DCDC2C: variants seen among roughly 807,000 people sequenced by gnomAD.
DCDC2C encodes the protein doublecortin domain-containing protein 2C.
In DCDC2C, 44 loss-of-function variants were observed where a neutral mutation model predicts 45.0. The observed-to-expected ratio is 0.98, with a 90% confidence interval of 0.77 to 1.26. The LOEUF is 1.26. Among genes scored for constraint, DCDC2C ranks in the 50% most tolerant of loss-of-function variants. The pLI is 0.00. For synonymous variants in DCDC2C, 187 were observed against 178.8 expected (o/e 1.05, Z -0.37); for missense variants, 447 against 468.9 (o/e 0.95, Z 0.43).
Position 3,767,847 on chromosome 2 carries a change from A to T in DCDC2C, c.820A>T (p.Thr274Ser), listed in dbSNP as rs1280761843. Residue 274 changes from threonine to serine, a missense_variant, in exon 7 of 11, where the codon ACA becomes TCA. By Grantham distance (58) the Thr-to-Ser change is moderately conservative. Coordinates refer to ENST00000399143, the MANE Select transcript of DCDC2C (RefSeq NM_001287444.2). ...VYYAKEEKKK[T>S]LAEPLVQRGA... ...TTATGCCAAAGAAGAAAAGAAGAAA[A>T]CATTGGCAGAACCTTTAGTCCAAAG... The T allele has an allele frequency of 3.2e-6, 5 of 1,542,806 alleles. No homozygotes were observed. Among genetic ancestry groups the T allele is most frequent in the African/African-American group, 1.4e-5 (1 of 72,294 alleles).
chr2:3,811,165 T>C (rs1671382603), intron 10 of DCDC2C, among the ~76,000 whole-genome samples: 1 of 152,226 alleles, frequency 6.6e-6, no homozygotes, highest in Non-Finnish European at 1.5e-5. Flanking sequence ...ATAAATTACT[T>C]TGGGCAGTAT....
At chr2:3,719,017 A>G (rs1434645737) in intron 2 of DCDC2C, among the ~76,000 whole-genome samples, 2 of 152,148 alleles carry the variant, frequency 1.3e-5, no homozygotes, top group Non-Finnish European at 2.9e-5. Flanking sequence ...CACTCGACCC[A>G]GGAAGTCCAG....
At chr2:3,845,175 A>G (rs1231944147) in intron 10 of DCDC2C, among the ~76,000 whole-genome samples, 1 of 152,236 alleles carries the variant, frequency 6.6e-6, no homozygotes, top group Admixed American at 6.5e-5. Context: ...TTTAGAGCTA[A>G]TAATAATAAC....
chr2:3,770,721 A>G (rs1670140370), intron 8 of DCDC2C, among the ~76,000 whole-genome samples: 1 of 152,248 alleles, frequency 6.6e-6, no homozygotes, highest in Non-Finnish European at 1.5e-5. Context: ...TGTGTGTCCA[A>G]CACAACTTTT....
chr2:3,726,641 G>A (rs1206695474), intron 2 of DCDC2C, among the ~76,000 whole-genome samples: 1 of 152,172 alleles, frequency 6.6e-6, no homozygotes, highest in East Asian at 1.9e-4. Context: ...AAGCTCCTCG[G>A]CATAGTAGGC....
At chr2:3,737,518 T>G (rs769403667) in intron 3 of DCDC2C, among the ~76,000 whole-genome samples, 3 of 152,184 alleles carry the variant, frequency 2.0e-5, no homozygotes, top group Non-Finnish European at 4.4e-5. Flanking sequence ...AAACAGCACA[T>G]TTCTGATGCC....
chr2:3,757,773 A>T (rs1464092001), intron 6 of DCDC2C, among the ~76,000 whole-genome samples: 1 of 152,148 alleles, frequency 6.6e-6, no homozygotes, highest in African/African-American at 2.4e-5. Context: ...AATCCCAGTA[A>T]TTAAATCACC....
chr2:3,769,342 C>A lies in DCDC2C; in HGVS notation c.885C>A (p.Ser295Arg), dbSNP rs536945187. Residue 295 changes from serine to arginine, a missense_variant, in exon 8 of 11, where the codon AGC (serine) becomes AGA (arginine). Transcript: ENST00000399143. ...EGDVYKAPTP[S>R]KETQGALDVK... The stretch of plus-strand genomic sequence containing the variant: ...ACGTGTATAAAGCACCGACTCCTAG[C>A]AAGGAAACCCAAGGGGCGCTGGACG... 5.5e-5 allele frequency: 85 copies of A among 1,550,572 alleles called. No homozygotes were observed. The highest frequency in any genetic ancestry group is 3.3e-4 in the Middle Eastern group (2 of 5,992).
intron 10 of DCDC2C, among the ~76,000 whole-genome samples, chr2:3,811,771 TGA>T (rs1177486400): frequency 6.6e-6 from 1 of 152,220 alleles, no homozygotes; most frequent in African/African-American, 2.4e-5. Flanking sequence ...CCTTGTTTAT[TGA>T]GAGTTTTTAA....
At chr2:3,754,552 C>T (rs933152446) in intron 5 of DCDC2C, 40 bp from the exon 6 acceptor site, 112 of 1,543,682 alleles carry the variant, frequency 7.3e-5, no homozygotes, top group African/African-American at 5.8e-4. Flanking sequence ...AACTTAGGGC[C>T]GGGCTTTACA....
intron 9 of DCDC2C, 60 bp from the exon 10 acceptor site, chr2:3,784,999 A>T: frequency 8.5e-7 from 1 of 1,176,174 alleles, no homozygotes. Flanking sequence ...GAGATTAAGG[A>T]TTTATTTTAC....
At chr2:3,737,610 C>T (rs970196406) in intron 3 of DCDC2C, among the ~76,000 whole-genome samples, 1 of 152,050 alleles carries the variant, frequency 6.6e-6, no homozygotes, top group African/African-American at 2.4e-5. Flanking sequence ...GTTGGTTCTC[C>T]ATGTGGCCTC....
Position 3,818,700 on chromosome 2 carries a change from G to T in DCDC2C, c.1066-28454G>T, listed in dbSNP as rs185837012. Among the ~76,000 whole-genome samples the T allele has an allele frequency of 3.4e-4, 52 of 152,204 alleles. No individual in the cohort carries two copies. The highest frequency in any genetic ancestry group is 3.4e-3 in the Middle Eastern group (1 of 294). On this transcript the variant is annotated intron_variant, in intron 10 of 10. Coordinates refer to ENST00000399143, the MANE Select transcript of DCDC2C (RefSeq NM_001287444.2). This position sits in a 1 kb window ranked among gnomAD's most constrained non-coding sequence, Gnocchi z 4.7. ...GATTAGGTTTTAAAGGGATGGTAAG[G>T]GGTGCATGATCGGTCATCAAGGAGG...
intron 7 of DCDC2C, 71 bp from the exon 8 acceptor site, chr2:3,769,240 G>T: frequency 6.9e-7 from 1 of 1,455,520 alleles, no homozygotes. Flanking sequence ...TTGGGTTTGG[G>T]TCAGGAAATA....
chr2:3,708,383 T>C (rs571119904), intron 1 of DCDC2C, among the ~76,000 whole-genome samples, 166 bp from the exon 2 acceptor site: 1 of 152,202 alleles, frequency 6.6e-6, no homozygotes, highest in Non-Finnish European at 1.5e-5. Context: ...GCATTGCTAT[T>C]GTATTCTGAT....
At chr2:3,797,843 T>G (rs904037094) in intron 10 of DCDC2C, among the ~76,000 whole-genome samples, 3 of 149,692 alleles carry the variant, frequency 2.0e-5, no homozygotes, top group East Asian at 2.0e-4. Flanking sequence ...AAATGTATAT[T>G]CTGTTGATTT....
chr2:3,761,980 A>G lies in DCDC2C; in HGVS notation c.727-5774A>G, dbSNP rs565023696. On this transcript the variant is annotated intron_variant, in intron 6 of 10. Coordinates refer to ENST00000399143, the MANE Select transcript of DCDC2C (RefSeq NM_001287444.2). The surrounding 1 kb of genome is among the most constrained non-coding windows in gnomAD (Gnocchi z 4.3). ...TTCATTTTCTGAAAACATTTTCAATAGGGAGAAAGATGAATGAAATTGAGA... is the reference window on the plus strand; with the variant it reads ...TTCATTTTCTGAAAACATTTTCAATGGGGAGAAAGATGAATGAAATTGAGA... Among the ~76,000 whole-genome samples, 96 of 152,314 alleles carry G rather than the reference A, an allele frequency of 6.3e-4. 1 individual carries two copies. The highest frequency in any genetic ancestry group is 3.4e-3 in the Middle Eastern group (1 of 294).
rs538774689 is a variant in DCDC2C, at chr2:3,833,046, C to G, written c.1066-14108C>G. 1.4e-4 allele frequency among the ~76,000 whole-genome samples: 21 copies of G among 152,326 alleles called. No homozygotes were observed. In the East Asian group the frequency reaches 4.1e-3, roughly 29 times the overall value. On this transcript the variant is annotated intron_variant, in intron 10 of 10. Coordinates refer to ENST00000399143, the MANE Select transcript of DCDC2C (RefSeq NM_001287444.2). ...GGGAGAATCTGTTTCTTTGCCTTTTCCAGCCTCTGTAGGCCATCCACATCC... is the reference window on the plus strand; with the variant it reads ...GGGAGAATCTGTTTCTTTGCCTTTTGCAGCCTCTGTAGGCCATCCACATCC...
intron 10 of DCDC2C, among the ~76,000 whole-genome samples, chr2:3,785,692 C>A (rs1218678577): frequency 6.6e-6 from 1 of 152,170 alleles, no homozygotes; most frequent in Non-Finnish European, 1.5e-5. Context: ...GAGTTCTCAT[C>A]CTGAGTTGGT....
Sources: gnomAD v4.1 joint callset for allele counts (sites outside exome capture counted in the v4.1 genomes callset) on GRCh38, gnomAD v4.1.1 for gene constraint, Gnocchi (gnomAD v3.1) non-coding constraint, MANE v1.5 for transcripts, NCBI Gene and HGNC (gene_info 2026-07-23, HGNC 2026-07-21) for gene names.